RIN2: variants seen among roughly 807,000 people sequenced by gnomAD.
The protein encoded by RIN2 is Ras and Rab interactor 2, also known as RAB5 interacting protein 2.
A neutral mutation model predicts 78.0 loss-of-function variants in RIN2; 36 were observed. The ratio of observed to expected loss-of-function variants is 0.46; its 90% CI spans 0.35 to 0.61. RIN2 has a LOEUF of 0.61. Among genes scored for constraint, RIN2 ranks in the 20% least tolerant of loss-of-function variants. RIN2 has a pLI of 0.00. For synonymous variants in RIN2, 466 were observed against 466.8 expected, an observed-to-expected ratio of 1.00 and a Z score of 0.02; for missense variants, 1,087 against 1,159.7, an observed-to-expected ratio of 0.94 and a Z score of 0.91.
intron 1 of RIN2, among the ~76,000 whole-genome samples, chr20:19,768,468 A>C (rs547038203): frequency 5.9e-5 from 9 of 152,208 alleles, no homozygotes; most frequent in African/African-American, 1.7e-4. Flanking sequence ...CTCTCTCTGC[A>C]TGCGGGCAAA....
intron 4 of RIN2, among the ~76,000 whole-genome samples, chr20:19,950,289 T>C (rs1198980168): frequency 6.6e-6 from 1 of 152,230 alleles, no homozygotes; most frequent in Non-Finnish European, 1.5e-5. Context: ...TGGGTCTCAC[T>C]GTATCTGTAC....
chr20:19,869,900 G>A (rs2037636559), intron 2 of RIN2, among the ~76,000 whole-genome samples: 1 of 151,818 alleles, frequency 6.6e-6, no homozygotes, highest in South Asian at 2.1e-4. Flanking sequence ...CTCCCGCCTG[G>A]GCGTCCCAAA....
At chr20:19,831,054 C>G (rs1047844567) in intron 2 of RIN2, among the ~76,000 whole-genome samples, 9 of 152,186 alleles carry the variant, frequency 5.9e-5, no homozygotes, top group Non-Finnish European at 7.3e-5. Flanking sequence ...GTCTCCAAGT[C>G]TGCTTCTGGG....
chr20:19,932,305 A>G (rs1390248196), intron 3 of RIN2, among the ~76,000 whole-genome samples: 1 of 152,174 alleles, frequency 6.6e-6, no homozygotes, highest in Non-Finnish European at 1.5e-5. Flanking sequence ...TGCCAGAGTC[A>G]TGCTCTCGGA....
At chr20:19,934,663 A>G (rs2040563418) in intron 3 of RIN2, 1 of 919,846 alleles carries the variant, frequency 1.1e-6, no homozygotes, top group South Asian at 5.1e-5. Flanking sequence ...TTTCTATAAC[A>G]AAATAATCAT....
intron 9 of RIN2, among the ~76,000 whole-genome samples, chr20:19,976,954 G>A (rs2042296421): frequency 6.6e-6 from 1 of 152,156 alleles, no homozygotes; most frequent in Non-Finnish European, 1.5e-5. Context: ...CTGAGGCCAG[G>A]CCTGGTTGAT....
intron 1 of RIN2, among the ~76,000 whole-genome samples, chr20:19,773,466 CA>C (rs2034206166): frequency 6.6e-6 from 1 of 152,120 alleles, no homozygotes; most frequent in Non-Finnish European, 1.5e-5. Flanking sequence ...TATTCCAGGT[CA>C]AAGGGCTGGG....
intron 1 of RIN2, among the ~76,000 whole-genome samples, chr20:19,780,995 C>G (rs1442889081): frequency 2.0e-5 from 3 of 152,168 alleles, no homozygotes; most frequent in African/African-American, 4.8e-5. Flanking sequence ...CAGCGAGCCA[C>G]TAAACCCACA....
chr20:19,852,985 T>C (rs1224564137), intron 2 of RIN2, among the ~76,000 whole-genome samples: 2 of 151,324 alleles, frequency 1.3e-5, no homozygotes, highest in East Asian at 1.9e-4. Context: ...CTGCACCCAT[T>C]AACTCGTCAT....
intron 2 of RIN2, among the ~76,000 whole-genome samples, chr20:19,812,576 T>C (rs1361427465): frequency 6.6e-6 from 1 of 152,166 alleles, no homozygotes; most frequent in Non-Finnish European, 1.5e-5. Context: ...CCTTCCTGAG[T>C]AGTAAGGGTT....
At chr20:19,782,289 C>T (rs1034692828) in intron 1 of RIN2, among the ~76,000 whole-genome samples, 20 of 152,106 alleles carry the variant, frequency 1.3e-4, no homozygotes, top group African/African-American at 3.9e-4. Context: ...TGTTAGCCAG[C>T]CGTGGTGGCT....
intron 1 of RIN2, among the ~76,000 whole-genome samples, chr20:19,798,694 A>C (rs1193864639): frequency 6.6e-6 from 1 of 152,112 alleles, no homozygotes. Context: ...GCACAGAAGC[A>C]ATCTGGAAAG....
rs570478349 is a variant in RIN2 at position 19,853,538 on chromosome 20, G to A, written c.-36-36028G>A. Reference sequence around the variant, plus strand: ...TTCCTGTTTCTCCACATCCTCTCCAGCACCTGTTGTCTCCTGACTTTTTAA... The same window carrying A: ...TTCCTGTTTCTCCACATCCTCTCCAACACCTGTTGTCTCCTGACTTTTTAA... On this transcript the variant is annotated intron_variant, in intron 2 of 12. Coordinates refer to ENST00000255006, the MANE Select transcript of RIN2 (RefSeq NM_018993.4). Among the ~76,000 whole-genome samples the A allele has an allele frequency of 3.2e-3, 492 of 152,240 alleles. 1 individual carries two copies. The highest frequency in any genetic ancestry group is 0.011 in the African/African-American group (470 of 41,536).
intron 1 of RIN2, among the ~76,000 whole-genome samples, chr20:19,798,040 A>G (rs1341873087): frequency 3.3e-5 from 5 of 151,662 alleles, no homozygotes; most frequent in Non-Finnish European, 2.9e-5. Flanking sequence ...TTCAGTAGAG[A>G]TGGGGTTTCA....
At chr20:19,773,760 G>A (rs550690511) in intron 1 of RIN2, among the ~76,000 whole-genome samples, 3 of 151,998 alleles carry the variant, frequency 2.0e-5, no homozygotes, top group Non-Finnish European at 4.4e-5. Context: ...GTGCATGAGA[G>A]GCCAAATGAC....
intron 3 of RIN2, among the ~76,000 whole-genome samples, chr20:19,926,622 G>A (rs1270145825): frequency 6.6e-6 from 1 of 152,080 alleles, no homozygotes; most frequent in African/African-American, 2.4e-5. Flanking sequence ...GGATCTGGAG[G>A]TAGATCTGAT....
intron 1 of RIN2, among the ~76,000 whole-genome samples, chr20:19,794,302 T>G (rs1451869878): frequency 6.6e-6 from 1 of 152,128 alleles, no homozygotes; most frequent in East Asian, 1.9e-4. Context: ...ACGTCTGTAA[T>G]CCCAGCACTT....
intron 3 of RIN2, among the ~76,000 whole-genome samples, chr20:19,907,538 C>G (rs1018920164): frequency 9.2e-5 from 14 of 152,190 alleles, no homozygotes; most frequent in Admixed American, 5.2e-4. Context: ...ACCAGAAGCT[C>G]TCCACTTATT....
chr20:19,823,688 T>C (rs2035995630), intron 2 of RIN2: 3 of 1,582,874 alleles, frequency 1.9e-6, no homozygotes, highest in Non-Finnish European at 2.6e-6. Context: ...GGTGGTTCCT[T>C]GAGGGCTTTG....
Sources: allele counts gnomAD v4.1 joint callset (sites outside exome capture counted in the v4.1 genomes callset), GRCh38; gene constraint gnomAD v4.1.1; transcripts MANE v1.5; gene names NCBI Gene and HGNC (gene_info 2026-07-23, HGNC 2026-07-21).